Variants in RIT2 observed in about 807,000 individuals in gnomAD.
RIT2 encodes the protein GTP-binding protein Rit2.
RIT2 carries 24 observed loss-of-function variants against 23.7 expected under a neutral mutation model. The ratio of observed to expected loss-of-function variants is 1.01; its 90% CI spans 0.73 to 1.43. The LOEUF is 1.43. Among genes scored for constraint, RIT2 ranks in the 40% most tolerant of loss-of-function variants. RIT2 has a pLI of 0.00. For missense variants in RIT2, 236 were observed against 266.9 expected (o/e 0.88, Z 0.81); for synonymous variants, 107 against 91.1 (o/e 1.17, Z -0.99).
intron 4 of RIT2, among the ~76,000 whole-genome samples, chr18:42,864,428 C>G (rs565969263): frequency 1.4e-4 from 21 of 152,234 alleles, no homozygotes; most frequent in African/African-American, 5.1e-4. Flanking sequence ...AATTGGGTTT[C>G]TATTGCATAC....
intron 2 of RIT2, among the ~76,000 whole-genome samples, chr18:42,990,009 A>G (rs1198714382): frequency 7.4e-5 from 11 of 148,794 alleles, no homozygotes; most frequent in African/African-American, 2.0e-4. Flanking sequence ...ATTTACAGAT[A>G]TGTGTGTGTG....
At chr18:43,060,314 T>C (rs1184505337) in intron 1 of RIT2, among the ~76,000 whole-genome samples, 2 of 152,080 alleles carry the variant, frequency 1.3e-5, no homozygotes, top group Non-Finnish European at 2.9e-5. Context: ...CCAAGCACAT[T>C]TGATGTTATG....
At chr18:42,915,677 G>A (rs954521909) in intron 4 of RIT2, among the ~76,000 whole-genome samples, 3 of 151,986 alleles carry the variant, frequency 2.0e-5, no homozygotes, top group Non-Finnish European at 4.4e-5. Flanking sequence ...AAACTATCAA[G>A]TGGAAGTCTA....
At chr18:42,842,711 C>A (rs1402275508) in intron 4 of RIT2, among the ~76,000 whole-genome samples, 1 of 152,088 alleles carries the variant, frequency 6.6e-6, no homozygotes, top group Admixed American at 6.6e-5. Flanking sequence ...GATGTACCAA[C>A]ACGATGCCAC....
chr18:43,021,932 T>A (rs1259278732), intron 2 of RIT2, among the ~76,000 whole-genome samples: 1 of 152,084 alleles, frequency 6.6e-6, no homozygotes, highest in Non-Finnish European at 1.5e-5. Flanking sequence ...AACGATCATA[T>A]AATCCAGCAA....
chr18:42,769,555 G>A (rs1458541444), intron 4 of RIT2, among the ~76,000 whole-genome samples: 3 of 151,956 alleles, frequency 2.0e-5, no homozygotes, highest in Non-Finnish European at 4.4e-5. Context: ...AATTGATTAT[G>A]TATTGTTTAA....
chr18:42,796,602 T>C (rs1470447978), intron 4 of RIT2, among the ~76,000 whole-genome samples: 1 of 152,236 alleles, frequency 6.6e-6, no homozygotes, highest in Non-Finnish European at 1.5e-5. Flanking sequence ...CCTGATATTT[T>C]CTGTTAGTGA....
intron 1 of RIT2, among the ~76,000 whole-genome samples, chr18:43,064,795 C>T (rs1196748674): frequency 2.0e-5 from 3 of 152,040 alleles, no homozygotes; most frequent in South Asian, 2.1e-4. Flanking sequence ...TTCTGTATTC[C>T]TCACAATAAC....
intron 4 of RIT2, among the ~76,000 whole-genome samples, chr18:42,755,856 G>A (rs1474210543): frequency 1.3e-5 from 2 of 152,176 alleles, no homozygotes; most frequent in Admixed American, 6.5e-5. Context: ...GTACAGCACT[G>A]TGGTGGCATT....
At chr18:42,856,517 C>T (rs1379283642) in intron 4 of RIT2, among the ~76,000 whole-genome samples, 2 of 152,314 alleles carry the variant, frequency 1.3e-5, no homozygotes, top group Non-Finnish European at 2.9e-5. Context: ...TGCCTTTTCT[C>T]CAACTAATCT....
At chr18:43,093,355 T>C (rs1913469983) in intron 1 of RIT2, among the ~76,000 whole-genome samples, 2 of 152,098 alleles carry the variant, frequency 1.3e-5, no homozygotes, top group African/African-American at 4.8e-5. Context: ...CAGCTAGTTT[T>C]CATTGAGGAG....
At chr18:43,075,652 T>C (rs1912996716) in intron 1 of RIT2, among the ~76,000 whole-genome samples, 1 of 152,210 alleles carries the variant, frequency 6.6e-6, no homozygotes, top group African/African-American at 2.4e-5. Flanking sequence ...AGTCTAAATA[T>C]ACATGCATAT....
intron 4 of RIT2, among the ~76,000 whole-genome samples, chr18:42,800,381 T>A (rs1160188161): frequency 6.6e-6 from 1 of 152,244 alleles, no homozygotes; most frequent in African/African-American, 2.4e-5. Flanking sequence ...TCTAGATTTC[T>A]GTGGTACTTC....
intron 4 of RIT2, among the ~76,000 whole-genome samples, chr18:42,804,561 T>TAAAAAAAAAAAAAAAAAAAAAAAAA (rs564202513): frequency 1.9e-5 from 1 of 52,848 alleles, no homozygotes; most frequent in Non-Finnish European, 3.8e-5. Context: ...GCCTCAAAAC[T>TAAAAAAAAAAAAAAAAAAAAAAAAA]AAAAAAAAAA....
At chr18:42,781,045 ATACTT>A (rs1301296365) in intron 4 of RIT2, among the ~76,000 whole-genome samples, 1 of 152,148 alleles carries the variant, frequency 6.6e-6, no homozygotes, top group East Asian at 1.9e-4. Context: ...TTTAAGCACT[ATACTT>A]TACTGCTTAC....
intron 1 of RIT2, among the ~76,000 whole-genome samples, chr18:43,071,001 A>G (rs565410235): frequency 6.6e-6 from 1 of 152,342 alleles, no homozygotes; most frequent in African/African-American, 2.4e-5. Context: ...AACTTAATAT[A>G]GGAACAAAAA....
chr18:42,920,715 G>C, intron 4 of RIT2: 1 of 1,595,472 alleles, frequency 6.3e-7, no homozygotes, highest in Non-Finnish European at 8.5e-7. Flanking sequence ...AAAAGAAGCA[G>C]CTTCAACCAT....
chr18:42,886,757 A>G (rs1046941989), intron 4 of RIT2, among the ~76,000 whole-genome samples: 4 of 152,210 alleles, frequency 2.6e-5, no homozygotes, highest in Non-Finnish European at 5.9e-5. Context: ...GGGCAACATG[A>G]AAATTAAACA....
intron 4 of RIT2, among the ~76,000 whole-genome samples, chr18:42,878,918 T>C (rs987766293): frequency 3.2e-4 from 48 of 151,428 alleles, no homozygotes; most frequent in Non-Finnish European, 5.3e-4. Context: ...TTAAGTGCTG[T>C]TCTAAGTGAC....
Sources: gnomAD v4.1 joint callset for allele counts (sites outside exome capture counted in the v4.1 genomes callset) on GRCh38, gnomAD v4.1.1 for gene constraint, MANE v1.5 for transcripts, NCBI Gene and HGNC (gene_info 2026-07-23, HGNC 2026-07-21) for gene names.